The following ZFR variants were observed in gnomAD, a reference collection of about 807,000 sequenced individuals.
ZFR encodes the protein zinc finger RNA binding protein.
Under a neutral mutation model 130.7 loss-of-function variants are expected in ZFR, and 19 were observed. That is an observed-to-expected ratio of 0.15 (90% CI 0.10 to 0.21). The LOEUF (loss-of-function observed/expected upper bound fraction) is 0.21, where lower values mean the gene tolerates loss of function less well. Among genes scored for constraint, ZFR ranks in the 10% least tolerant of loss-of-function variants. The probability of loss-of-function intolerance (pLI) is 1.00; values close to 1 mark genes in which losing one functional copy is unlikely to be tolerated. For synonymous variants in ZFR, 466 were observed against 456.9 expected (o/e 1.02, Z -0.25); for missense variants, 872 against 1,321.5 (o/e 0.66, Z 5.27).
At chr5:32,370,343 GAGAGAGAGAGACAGAC>G (rs1440696011) in intron 17 of ZFR, among the ~76,000 whole-genome samples, 20 of 1,356 alleles carry the variant, frequency 0.015, no homozygotes, top group African/African-American at 0.085. Context: ...GAGAGAGAGA[GAGAGAGAGAGACAGAC>G]AGACAGACAG....
chr5:32,427,915 A>C (rs1360596526), intron 2 of ZFR, among the ~76,000 whole-genome samples: 10 of 152,214 alleles, frequency 6.6e-5, no homozygotes, highest in African/African-American at 2.4e-4. Context: ...TATCCACACG[A>C]AAAGGAAAAA....
chr5:32,418,948 G>C (rs1370391602), intron 3 of ZFR, among the ~76,000 whole-genome samples: 1 of 152,152 alleles, frequency 6.6e-6, no homozygotes, highest in Non-Finnish European at 1.5e-5. Flanking sequence ...ATAAGACTGA[G>C]TAAGAGGCAA....
intron 19 of ZFR, among the ~76,000 whole-genome samples, chr5:32,359,840 C>G (rs1752392282): frequency 6.6e-6 from 1 of 151,838 alleles, no homozygotes; most frequent in South Asian, 2.1e-4. Flanking sequence ...ATCCCAGCTA[C>G]TCAGGAGGCT....
At chr5:32,386,656 C>A (rs1753052764) in intron 14 of ZFR, among the ~76,000 whole-genome samples, 1 of 152,002 alleles carries the variant, frequency 6.6e-6, no homozygotes, top group Admixed American at 6.6e-5. Flanking sequence ...AAAAAAGACT[C>A]ATCTACAATA....
At position 32,354,914 on chromosome 5, in the gene ZFR, T is replaced by C. The variant is rs1160297295; in HGVS notation, c.*846A>G. On this transcript the variant is annotated 3_prime_UTR_variant, in exon 20 of 20. Transcript: ENST00000265069. ...AGAAAAAAATATTCAGAAAGTTATT[T>C]TTGGCCTTGCTATGTCAAAAAGTCA... 6.6e-6 allele frequency: 1 copy of C among 152,232 alleles called. No homozygotes were observed. Among genetic ancestry groups the C allele is most frequent in the African/African-American group, 2.4e-5 (1 of 41,468 alleles). 9.4% of individuals were successfully genotyped at this position (152,232 alleles called of 1,614,324 possible).
chr5:32,374,826 T>C (rs1259723868), intron 17 of ZFR, among the ~76,000 whole-genome samples: 2 of 151,940 alleles, frequency 1.3e-5, no homozygotes, highest in Admixed American at 6.6e-5. Flanking sequence ...CTAATTACAA[T>C]AGGAGAAATT....
In ZFR at chr5:32,362,641, CCTT is replaced by C. The variant is rs531953163; in HGVS notation, c.3045+1304_3045+1306del. Among the ~76,000 whole-genome samples, 59 of 152,320 alleles carry C rather than the reference CCTT, an allele frequency of 3.9e-4. No homozygotes were observed. In the East Asian group the frequency reaches 0.011, roughly 27 times the overall value. On this transcript the variant is annotated intron_variant, in intron 19 of 19. Coordinates refer to ENST00000265069, the MANE Select transcript of ZFR (RefSeq NM_016107.5). ...AGACCCCCTTTAGAGCCATGCCATT[CCTT>C]CTTCCTATCCTTAAACACTCCTAGG...
At chr5:32,415,509 TGTGTGTGCGC>T (rs1260514232) in intron 4 of ZFR, among the ~76,000 whole-genome samples, 9 of 93,880 alleles carry the variant, frequency 9.6e-5, no homozygotes, top group East Asian at 3.1e-4. Flanking sequence ...TGTGTGTGTG[TGTGTGTGCGC>T]GCGCGCGCGC....
chr5:32,364,357 A>G lies in ZFR; in HGVS notation c.2836-82T>C, dbSNP rs955004835. 8.8e-6 allele frequency: 10 copies of G among 1,131,068 alleles called. No homozygotes were observed. In the African/African-American group the frequency reaches 1.6e-4, roughly 18 times the overall value. 70.1% of individuals were successfully genotyped at this position (1,131,068 alleles called of 1,614,324 possible). ...CAAACTAAAATTTTAAAGACTGAAA[A>G]AATTTTAAAGACTGAAAAAGCTACA... On this transcript the variant is annotated intron_variant, in intron 17 of 19. Coordinates refer to ENST00000265069, the MANE Select transcript of ZFR (RefSeq NM_016107.5).
Position 32,355,576 on chromosome 5 carries a change from TG to T in ZFR, c.*183del. 2 of 430,472 alleles carry T rather than the reference TG, an allele frequency of 4.6e-6. No individual in the cohort carries two copies. Among genetic ancestry groups the T allele is most frequent in the Non-Finnish European group, 3.9e-6 (1 of 258,470 alleles). The allele number at this position is 430,472 out of a possible 1,614,324, so 26.7% of individuals were successfully genotyped here. On this transcript the variant is annotated 3_prime_UTR_variant, in exon 20 of 20. Transcript: ENST00000265069. ...CCTAGTCGGAGCACATTTTTTTTTT[TG>T]GGTGTCTTTCCATTCAAATAATACC... is the stretch of plus-strand genomic sequence containing the variant.
chr5:32,410,283 CAAAAAAAAAAAAA>C (rs3065266), intron 5 of ZFR, among the ~76,000 whole-genome samples: 61 of 113,132 alleles, frequency 5.4e-4, no homozygotes, highest in East Asian at 1.1e-3. Flanking sequence ...ACACTGTCTC[CAAAAAAAAAAAAA>C]AAAAAAAAAA....
intron 11 of ZFR, among the ~76,000 whole-genome samples, chr5:32,391,080 C>T (rs1334625921): frequency 6.6e-6 from 1 of 152,296 alleles, no homozygotes; most frequent in Middle Eastern, 3.4e-3. Flanking sequence ...TAGAAAAGAA[C>T]GTTCCAGAAA....
Position 32,387,645 on chromosome 5 carries a change from T to C in ZFR, c.2403A>G (p.Arg801=). ...VGVLAKGLLL[R]GDRNVNLVLL... ...AAACAAGGTTGACATTTCTATCTCC[T>C]CGGAGAAGTAATCCTTTTGCCAATA... Residue 801 remains arginine (R), a synonymous_variant, in exon 14 of 20, where the codon CGA becomes CGG. Coordinates refer to ENST00000265069, the MANE Select transcript of ZFR (RefSeq NM_016107.5). 1 of 1,613,648 alleles carries C rather than the reference T, an allele frequency of 6.2e-7. No homozygotes were observed. Among genetic ancestry groups the C allele is most frequent in the Non-Finnish European group, 8.5e-7 (1 of 1,179,664 alleles).
intron 2 of ZFR, 92 bp downstream of exon 2, chr5:32,444,137 T>C: frequency 3.5e-6 from 5 of 1,421,768 alleles, no homozygotes; most frequent in Non-Finnish European, 3.8e-6. Context: ...GGCTCTGGGA[T>C]GGCTGGGGAC....
At position 32,444,700 on chromosome 5, in the gene ZFR, T is replaced by G; in HGVS notation, c.-42A>C. On this transcript the variant is annotated 5_prime_UTR_variant, in exon 1 of 20. Transcript: ENST00000265069. ...TGCTGAACTCTGAACTCTCACCCGC[T>G]GCCTCCCTCCTCTGCCCCGCTCCTC... is the stretch of plus-strand genomic sequence containing the variant. 1 of 1,502,200 alleles carries G rather than the reference T, an allele frequency of 6.7e-7. No homozygotes were observed. The highest frequency in any genetic ancestry group is 1.3e-5 in the South Asian group (1 of 78,764). The allele number at this position is 1,502,200 out of a possible 1,614,324, so 93.1% of individuals were successfully genotyped here. A position where few individuals can be genotyped will look rare whatever the true frequency, so the allele number is the denominator to read the frequency against.
At chr5:32,404,148 T>A (rs767114767) in intron 6 of ZFR, 51 bp from the exon 7 acceptor site, 2 of 1,467,806 alleles carry the variant, frequency 1.4e-6, no homozygotes, top group South Asian at 1.3e-5. Context: ...TCTTTACACA[T>A]TAAGATTATT....
intron 14 of ZFR, among the ~76,000 whole-genome samples, 181 bp downstream of exon 14, chr5:32,387,368 C>T (rs1232181885): frequency 6.6e-6 from 1 of 151,906 alleles, no homozygotes; most frequent in Non-Finnish European, 1.5e-5. Context: ...ACTATAAAAC[C>T]TAAAAAAGAT....
At chr5:32,430,721 T>C (rs1296759984) in intron 2 of ZFR, among the ~76,000 whole-genome samples, 1 of 151,986 alleles carries the variant, frequency 6.6e-6, no homozygotes, top group Admixed American at 6.6e-5. Context: ...CTACAGAGAT[T>C]AAGTGATGAC....
At position 32,355,811 on chromosome 5, in the gene ZFR, A is replaced by G. The variant is rs755083499; in HGVS notation, c.3174T>C (p.Asp1058=). Residue 1058 remains aspartate (D), a synonymous_variant, in exon 20 of 20, where the codon GAT becomes GAC. Coordinates refer to ENST00000265069, the MANE Select transcript of ZFR (RefSeq NM_016107.5). ...CTTTTTTCCCCTCAGCTTCAAATCC[A>G]TCAACTCCATCACTATCTCTTCTTC... The part of the protein sequence containing the change: ...RKRRRDSDGV[D]GFEAEGKKDK... The G allele has an allele frequency of 3.7e-6, 6 of 1,606,746 alleles. No homozygotes were observed. The African/African-American group carries it at 5.4e-5, about 14-fold the overall frequency.
Sources: allele counts gnomAD v4.1 joint callset (sites outside exome capture counted in the v4.1 genomes callset), GRCh38; gene constraint gnomAD v4.1.1; transcripts MANE v1.5; gene names NCBI Gene and HGNC (gene_info 2026-07-23, HGNC 2026-07-21).